Variants in CACNB2 observed in about 807,000 individuals in gnomAD.
CACNB2 encodes calcium voltage-gated channel auxiliary subunit beta 2, also known as voltage-dependent L-type calcium channel subunit beta-2.
In CACNB2, 42 loss-of-function variants were observed where a neutral mutation model predicts 73.3. That is an observed-to-expected ratio of 0.57 (90% CI 0.45 to 0.74). The LOEUF is 0.74. CACNB2 is among the 30% of genes least tolerant of loss of function. CACNB2 has a pLI of 0.00. For synonymous variants in CACNB2, 348 were observed against 310.3 expected (o/e 1.12, Z -1.28); for missense variants, 940 against 853.0 (o/e 1.10, Z -1.27).
chr10:18,453,105 A>C (rs2047092813), intron 3 of CACNB2, among the ~76,000 whole-genome samples: 1 of 152,142 alleles, frequency 6.6e-6, no homozygotes, highest in Non-Finnish European at 1.5e-5. Context: ...TCATTAGTCC[A>C]AGCCATGTTT....
At chr10:18,443,793 A>G (rs2046596932) in intron 3 of CACNB2, among the ~76,000 whole-genome samples, 1 of 150,848 alleles carries the variant, frequency 6.6e-6, no homozygotes. Context: ...CAGCTCACTG[A>G]AACCTCCACC....
At chr10:18,230,204 A>G (rs568225532) in intron 2 of CACNB2, among the ~76,000 whole-genome samples, 21 of 152,348 alleles carry the variant, frequency 1.4e-4, no homozygotes, top group African/African-American at 5.1e-4. Flanking sequence ...CTTGTTCTCC[A>G]AGATAGAATT....
At position 18,527,584 on chromosome 10, in the gene CACNB2, A is replaced by G; in HGVS notation, c.945-4A>G. 6.2e-7 allele frequency: 1 copy of G among 1,607,888 alleles called. No individual in the cohort carries two copies. The highest frequency in any genetic ancestry group is 1.1e-5 in the South Asian group (1 of 90,928). On this transcript the variant is annotated splice_polypyrimidine_tract_variant and splice_region_variant and intron_variant, in intron 9 of 13. Coordinates refer to ENST00000324631, the MANE Select transcript of CACNB2 (RefSeq NM_201596.3). ...AGGTCTTCTGTGACTTTTTCCTCCA[A>G]CAGGATATCCATCACAAGGGTCACC...
intron 1 of CACNB2, among the ~76,000 whole-genome samples, chr10:18,142,535 G>C (rs1384757097): frequency 1.3e-5 from 2 of 152,072 alleles, no homozygotes; most frequent in East Asian, 3.9e-4. Context: ...ATCAGTATTC[G>C]AGTCCTCCAT....
At chr10:18,441,415 T>A (rs1298526763) in intron 3 of CACNB2, among the ~76,000 whole-genome samples, 1 of 152,032 alleles carries the variant, frequency 6.6e-6, no homozygotes, top group Non-Finnish European at 1.5e-5. Flanking sequence ...AAAAAATAAA[T>A]AACCATCCAA....
intron 2 of CACNB2, among the ~76,000 whole-genome samples, chr10:18,233,732 C>G (rs1002424006): frequency 6.6e-6 from 1 of 152,298 alleles, no homozygotes; most frequent in Non-Finnish European, 1.5e-5. Context: ...AGGCATCTTT[C>G]AAGCTCCCGC....
intron 2 of CACNB2, among the ~76,000 whole-genome samples, chr10:18,312,204 A>C (rs2039989822): frequency 6.6e-6 from 1 of 152,216 alleles, no homozygotes; most frequent in Admixed American, 6.5e-5. Flanking sequence ...TAAAATTCAT[A>C]AGTTTGCAAC....
At chr10:18,196,640 C>T (rs1391608855) in intron 2 of CACNB2, among the ~76,000 whole-genome samples, 1 of 152,122 alleles carries the variant, frequency 6.6e-6, no homozygotes. Flanking sequence ...TGACTGCTCC[C>T]TGTGTGCCAA....
At chr10:18,367,174 C>G (rs1175617829) in intron 2 of CACNB2, among the ~76,000 whole-genome samples, 1 of 151,396 alleles carries the variant, frequency 6.6e-6, no homozygotes, top group African/African-American at 2.4e-5. Flanking sequence ...CACTAAAGTG[C>G]TTGTTGTCAC....
chr10:18,447,992 T>C (rs959021943), intron 3 of CACNB2, among the ~76,000 whole-genome samples: 8 of 152,076 alleles, frequency 5.3e-5, no homozygotes, highest in Non-Finnish European at 1.2e-4. Flanking sequence ...AAAGACACTT[T>C]CTTTTTGTTT....
intron 2 of CACNB2, among the ~76,000 whole-genome samples, chr10:18,180,189 A>C (rs2033802244): frequency 6.6e-6 from 1 of 152,142 alleles, no homozygotes; most frequent in Non-Finnish European, 1.5e-5. Flanking sequence ...GAATGATCTT[A>C]TATTTTGCCA....
intron 3 of CACNB2, among the ~76,000 whole-genome samples, chr10:18,489,465 A>G (rs1177169016): frequency 2.0e-5 from 3 of 150,858 alleles, no homozygotes; most frequent in Non-Finnish European, 3.0e-5. Context: ...TTTCAGAGAA[A>G]GGATCTTGCA....
intron 2 of CACNB2, among the ~76,000 whole-genome samples, chr10:18,361,544 A>G (rs1396717989): frequency 6.6e-6 from 1 of 151,546 alleles, no homozygotes; most frequent in Non-Finnish European, 1.5e-5. Context: ...CAGTCATATA[A>G]GTCCAATTGC....
chr10:18,328,014 AG>A (rs1448174652), intron 2 of CACNB2, among the ~76,000 whole-genome samples: 2 of 152,178 alleles, frequency 1.3e-5, no homozygotes, highest in Non-Finnish European at 2.9e-5. Context: ...GGGCTGCCTT[AG>A]GGGTAAGTGG....
intron 3 of CACNB2, among the ~76,000 whole-genome samples, chr10:18,415,800 T>C (rs2132670241): frequency 6.6e-6 from 1 of 152,348 alleles, no homozygotes; most frequent in Middle Eastern, 3.4e-3. Flanking sequence ...TGTACAATTG[T>C]ATGAAGTATT....
chr10:18,296,205 A>G (rs2039277628), intron 2 of CACNB2, among the ~76,000 whole-genome samples: 1 of 151,882 alleles, frequency 6.6e-6, no homozygotes, highest in South Asian at 2.1e-4. Context: ...ATCTGATTTT[A>G]TATTTTTCTT....
intron 2 of CACNB2, among the ~76,000 whole-genome samples, chr10:18,295,168 G>A (rs940502606): frequency 2.0e-5 from 3 of 152,150 alleles, no homozygotes; most frequent in Non-Finnish European, 2.9e-5. Context: ...GGGATTTAAG[G>A]ATACAGGCTA....
chr10:18,203,229 G>A (rs2034956948), intron 2 of CACNB2, among the ~76,000 whole-genome samples: 1 of 152,136 alleles, frequency 6.6e-6, no homozygotes, highest in Admixed American at 6.5e-5. Context: ...TTGGAGAGTC[G>A]AAATTATAGC....
At chr10:18,384,042 A>G (rs1213311306) in intron 2 of CACNB2, among the ~76,000 whole-genome samples, 3 of 152,198 alleles carry the variant, frequency 2.0e-5, no homozygotes, top group African/African-American at 4.8e-5. Flanking sequence ...TTATTTATGT[A>G]AAATCTGTGA....
Sources: allele counts gnomAD v4.1 joint callset (sites outside exome capture counted in the v4.1 genomes callset), GRCh38; gene constraint gnomAD v4.1.1; transcripts MANE v1.5; gene names NCBI Gene and HGNC (gene_info 2026-07-23, HGNC 2026-07-21).